Variants in TAMALIN observed in about 807,000 individuals in gnomAD.
TAMALIN encodes the protein trafficking regulator and scaffold protein tamalin.
A neutral mutation model predicts 38.5 loss-of-function variants in TAMALIN; 9 were observed. That is an observed-to-expected ratio of 0.23 (90% CI 0.14 to 0.41). TAMALIN has a LOEUF of 0.41. TAMALIN is among the 10% of genes least tolerant of loss of function. The pLI, the probability that TAMALIN is intolerant of heterozygous loss-of-function variation, is 1.00. For synonymous variants in TAMALIN, 306 were observed against 256.5 expected (o/e 1.19, Z -1.85); for missense variants, 548 against 554.1 (o/e 0.99, Z 0.11).
intron 3 of TAMALIN, 39 bp downstream of exon 3, chr12:52,010,974 G>A (rs1937632210): frequency 1.9e-6 from 3 of 1,613,774 alleles, no homozygotes; most frequent in Non-Finnish European, 2.5e-6. Flanking sequence ...GGGGTTGGAT[G>A]ACCAGCCTGA....
intron 2 of TAMALIN, 108 bp downstream of exon 2, chr12:52,009,347 C>A: frequency 1.9e-6 from 2 of 1,076,258 alleles, no homozygotes; most frequent in Non-Finnish European, 1.4e-6. Flanking sequence ...TTCTCCTAGC[C>A]TTTAAACATG....
At chr12:52,013,615 C>A in intron 4 of TAMALIN, 72 bp from the exon 5 acceptor site, 2 of 1,334,858 alleles carry the variant, frequency 1.5e-6, no homozygotes, top group South Asian at 1.2e-5. Context: ...TCTCCCCTTT[C>A]TGGCTAAGGT....
At position 52,007,749 on chromosome 12, in the gene TAMALIN, A is replaced by G. The variant is rs2603742; in HGVS notation, c.246+484A>G. Reference sequence around the variant, plus strand: ...GGGAGCCGCTGACTCCGGATAGCACACCCTTCCGAGGGGACTCCCCGATTC... The same window carrying G: ...GGGAGCCGCTGACTCCGGATAGCACGCCCTTCCGAGGGGACTCCCCGATTC... On this transcript the variant is annotated intron_variant, in intron 1 of 7. Coordinates refer to ENST00000293662, the MANE Select transcript of TAMALIN (RefSeq NM_181711.4). The surrounding 1 kb of genome is among the most constrained non-coding windows in gnomAD (Gnocchi z 6.7). 6,535 of 985,190 alleles carry G rather than the reference A, an allele frequency of 6.6e-3. 388 individuals are homozygous for G. The African/African-American group carries it at 0.1, about 16-fold the overall frequency. 61.0% of individuals were successfully genotyped at this position (985,190 alleles called of 1,614,324 possible).
intron 7 of TAMALIN, 105 bp downstream of exon 7, chr12:52,014,306 T>A (rs1937732945): frequency 2.1e-6 from 2 of 943,268 alleles, no homozygotes; most frequent in Admixed American, 2.0e-5. Context: ...GGTTTACTAG[T>A]AAACCTCCAC....
At position 52,014,911 on chromosome 12, in the gene TAMALIN, CCCG is replaced by C; in HGVS notation, c.906_908del (p.Pro304del). 1 of 1,123,582 alleles carries C rather than the reference CCCG, an allele frequency of 8.9e-7. No individual in the cohort carries two copies. The highest frequency in any genetic ancestry group is 1.1e-6 in the Non-Finnish European group (1 of 912,166). 69.6% of individuals were successfully genotyped at this position (1,123,582 alleles called of 1,614,324 possible). On this transcript the variant is annotated inframe_deletion, in exon 8 of 8. Transcript: ENST00000293662. ...ACTCCGAGCCGCCGGCGCTGCCGCC[CCCG>C]CCGCCCCCGGCCCGCGCCTTCGGCC... is the stretch of plus-strand genomic sequence containing the variant.
intron 1 of TAMALIN, chr12:52,008,313 C>T (rs1942447652): frequency 1.0e-6 from 1 of 985,272 alleles, no homozygotes; most frequent in African/African-American, 1.7e-5. Context: ...GACTGGACCT[C>T]CTCCCAGGAC....
chr12:52,008,514 A>T (rs1942450789), intron 1 of TAMALIN: 13 of 985,150 alleles, frequency 1.3e-5, no homozygotes, highest in African/African-American at 1.7e-5. Flanking sequence ...CACAAAATAT[A>T]TGGCAATGGA....
Position 52,014,767 on chromosome 12 carries a change from G to T in TAMALIN, c.756G>T (p.Leu252=). 1 of 1,481,704 alleles carries T rather than the reference G, an allele frequency of 6.7e-7. No individual in the cohort carries two copies. The allele number at this position is 1,481,704 out of a possible 1,614,324, so 91.8% of individuals were successfully genotyped here. The part of the protein sequence containing the change: ...SVRSCLYGAG[L]LPGSLPFGPL... ...GCTCCTGCCTCTACGGCGCGGGCCT[G>T]CTCCCGGGCTCGCTGCCCTTCGGGC... The change falls in exon 8 of 8, where the codon CTG becomes CTT. Residue 252 remains leucine, a synonymous_variant. Transcript: ENST00000293662.
Position 52,007,135 on chromosome 12 carries a change from C to G in TAMALIN, c.116C>G (p.Pro39Arg). Residue 39 changes from proline (P) to arginine (R), a missense_variant, in exon 1 of 8, where the codon CCG becomes CGG. Pro to Arg is a moderately radical substitution (Grantham distance 103). Transcript: ENST00000293662. The surrounding 1 kb of genome is among the most constrained non-coding windows in gnomAD (Gnocchi z 6.7). ...EVAPAAPVPTPGPPAAAATPG... is the reference protein window; with the variant it reads ...EVAPAAPVPTRGPPAAAATPG... ...GCGCCCGCCGCTCCGGTCCCGACCC[C>G]GGGACCCCCTGCCGCAGCCGCCACC... 1.3e-6 allele frequency: 2 copies of G among 1,487,524 alleles called. No individual in the cohort carries two copies. The highest frequency in any genetic ancestry group is 2.4e-5 in the Admixed American group (1 of 42,306). 92.1% of individuals were successfully genotyped at this position (1,487,524 alleles called of 1,614,324 possible). A position where few individuals can be genotyped will look rare whatever the true frequency, so the allele number is the denominator to read the frequency against.
chr12:52,010,619 GGCTCATCCTTCA>G, intron 2 of TAMALIN: 1 of 1,171,410 alleles, frequency 8.5e-7, no homozygotes, highest in Non-Finnish European at 1.1e-6. Context: ...AAACTCAGCC[GGCTCATCCTTCA>G]GGGGACCGGC....
intron 1 of TAMALIN, chr12:52,008,653 C>T (rs1162785922): frequency 1.0e-6 from 1 of 985,292 alleles, no homozygotes; most frequent in Admixed American, 6.2e-5. Context: ...GGATTGCCAG[C>T]CCTTCGGGAC....
chr12:52,010,611 A>G, intron 2 of TAMALIN: 1 of 1,197,488 alleles, frequency 8.4e-7, no homozygotes, highest in South Asian at 1.6e-5. Context: ...GGGCTAAAAA[A>G]CTCAGCCGGC....
rs1299942005 is a variant in TAMALIN at position 52,015,077 on chromosome 12, C to G, written c.1066C>G (p.Arg356Gly). The G allele has an allele frequency of 9.3e-6, 14 of 1,505,578 alleles. No homozygotes were observed. Among genetic ancestry groups the G allele is most frequent in the South Asian group, 1.2e-5 (1 of 81,758 alleles). The allele number at this position is 1,505,578 out of a possible 1,614,324, so 93.3% of individuals were successfully genotyped here. A position where few individuals can be genotyped will look rare whatever the true frequency, so the allele number is the denominator to read the frequency against. Residue 356 changes from arginine to glycine, a missense_variant, in exon 8 of 8, where the codon CGC (arginine) becomes GGC (glycine). By Grantham distance (125) the Arg-to-Gly change is moderately radical. Coordinates refer to ENST00000293662, the MANE Select transcript of TAMALIN (RefSeq NM_181711.4). Reference protein sequence around the residue: ...GAPGALWTEAREQALCGPGLR... With the variant: ...GAPGALWTEAGEQALCGPGLR... ...GCCGGGCGCGCTCTGGACTGAGGCT[C>G]GCGAGCAGGCCCTATGCGGCCCCGG...
intron 1 of TAMALIN, chr12:52,008,054 T>C (rs1003546761): frequency 1.0e-6 from 1 of 985,444 alleles, no homozygotes; most frequent in South Asian, 4.7e-5. Flanking sequence ...GGCCCCCAGC[T>C]AGCCCCCACA....
intron 1 of TAMALIN, chr12:52,008,891 C>T: frequency 2.7e-6 from 1 of 364,182 alleles, no homozygotes; most frequent in Non-Finnish European, 3.8e-6. Context: ...GAATAATGAT[C>T]TCCCCACCTG....
In TAMALIN at chr12:52,007,140, C is replaced by G. The variant is rs1250005001; in HGVS notation, c.121C>G (p.Pro41Ala). The change falls in exon 1 of 8, where the codon CCC becomes GCC. Residue 41 changes from proline (P) to alanine (A), a missense_variant. Around this residue, in one of 3 missense-constraint regions of TAMALIN, gnomAD observed 128 missense variants for 117.9 expected, o/e 1.09. Coordinates refer to ENST00000293662, the MANE Select transcript of TAMALIN (RefSeq NM_181711.4). This position sits in a 1 kb window ranked among gnomAD's most constrained non-coding sequence, Gnocchi z 6.7. ...CGCCGCTCCGGTCCCGACCCCGGGACCCCCTGCCGCAGCCGCCACCCCTGG... is the reference window on the plus strand; with the variant it reads ...CGCCGCTCCGGTCCCGACCCCGGGAGCCCCTGCCGCAGCCGCCACCCCTGG... ...APAAPVPTPGPPAAAATPGPP... is the reference protein window; with the variant it reads ...APAAPVPTPGAPAAAATPGPP... 11 of 1,487,150 alleles carry G rather than the reference C, an allele frequency of 7.4e-6. No homozygotes were observed. Among genetic ancestry groups the G allele is most frequent in the Non-Finnish European group, 8.9e-7 (1 of 1,127,034 alleles). 92.1% of individuals were successfully genotyped at this position (1,487,150 alleles called of 1,614,324 possible).
chr12:52,014,002 T>G, intron 6 of TAMALIN, 59 bp downstream of exon 6: 10 of 1,581,498 alleles, frequency 6.3e-6, no homozygotes, highest in Non-Finnish European at 7.8e-6. Context: ...CTCTGCCCTG[T>G]GGGGGGTCAC....
rs997451258 is a variant in TAMALIN at position 52,007,086 on chromosome 12, G to A, written c.67G>A (p.Ala23Thr). Residue 23 changes from alanine (A) to threonine (T), a missense_variant, in exon 1 of 8, where the codon GCC (alanine) becomes ACC (threonine). By Grantham distance (58) the Ala-to-Thr change is moderately conservative (BLOSUM62 0). Transcript: ENST00000293662. This position sits in a 1 kb window ranked among gnomAD's most constrained non-coding sequence, Gnocchi z 6.7. Reference protein sequence around the residue: ...EEAAATPDPAARTPDSEVAPA... With the variant: ...EEAAATPDPATRTPDSEVAPA... The stretch of plus-strand genomic sequence containing the variant: ...GGCGGCGGCCACCCCGGACCCCGCC[G>A]CCCGGACTCCCGACTCGGAAGTCGC... 2.7e-6 allele frequency: 4 copies of A among 1,477,680 alleles called. No homozygotes were observed. The Middle Eastern group carries it at 7.1e-4, about 263-fold the overall frequency. The allele number at this position is 1,477,680 out of a possible 1,614,324, so 91.5% of individuals were successfully genotyped here.
In TAMALIN at chr12:52,014,807, C is replaced by T. The variant is rs1446036799; in HGVS notation, c.796C>T (p.Pro266Ser). ...SLPFGPLLAV[P>S]GRPRGGARRA... is the part of the protein sequence containing the mutation. ...GCCCTTCGGGCCTCTGCTCGCCGTG[C>T]CCGGGCGTCCCCGCGGAGGCGCCCG... Residue 266 changes from proline to serine, a missense_variant, in exon 8 of 8, where the codon CCC becomes TCC. Physicochemically the swap from Pro to Ser is moderately conservative, Grantham distance 74. Around this residue, in one of 3 missense-constraint regions of TAMALIN, gnomAD observed 415 missense variants for 417.0 expected, o/e 1.00. Coordinates refer to ENST00000293662, the MANE Select transcript of TAMALIN (RefSeq NM_181711.4). 7 of 1,366,386 alleles carry T rather than the reference C, an allele frequency of 5.1e-6. No homozygotes were observed. Among genetic ancestry groups the T allele is most frequent in the Non-Finnish European group, 5.6e-6 (6 of 1,064,038 alleles). The allele number at this position is 1,366,386 out of a possible 1,614,324, so 84.6% of individuals were successfully genotyped here. A position where few individuals can be genotyped will look rare whatever the true frequency, so the allele number is the denominator to read the frequency against.
Sources: allele counts gnomAD v4.1 joint callset, GRCh38; gene constraint gnomAD v4.1.1; regional missense constraint gnomAD v4.1.1; non-coding constraint Gnocchi (gnomAD v3.1); transcripts MANE v1.5; gene names NCBI Gene and HGNC (gene_info 2026-07-23, HGNC 2026-07-21).